FAM135B: variants seen among roughly 807,000 people sequenced by gnomAD.
FAM135B encodes family with sequence similarity 135 member B.
Under a neutral mutation model 127.7 loss-of-function variants are expected in FAM135B, and 43 were observed. That is an observed-to-expected ratio of 0.34 (90% confidence interval 0.26 to 0.43). The LOEUF (loss-of-function observed/expected upper bound fraction) is 0.43. Ranked by LOEUF, FAM135B falls within the 20% of genes least tolerant of loss-of-function variation. The pLI is 1.00. For missense variants in FAM135B, 1,558 were observed against 1,725.6 expected, an observed-to-expected ratio of 0.90 and a Z score of 1.72; for synonymous variants, 670 against 665.1, an observed-to-expected ratio of 1.01 and a Z score of -0.11.
intron 6 of FAM135B, among the ~76,000 whole-genome samples, chr8:138,250,090 C>T (rs899364716): frequency 5.9e-5 from 9 of 152,036 alleles, no homozygotes; most frequent in Non-Finnish European, 1.2e-4. Flanking sequence ...TGGTGGCTCA[C>T]GCCTGTAATC....
At chr8:138,294,494 C>T (rs1047349411) in intron 3 of FAM135B, among the ~76,000 whole-genome samples, 1 of 151,746 alleles carries the variant, frequency 6.6e-6, no homozygotes, top group African/African-American at 2.4e-5. Flanking sequence ...CAAAACAAAC[C>T]AAAAAGCTGT....
In FAM135B at chr8:138,340,103, G is replaced by T. The variant is rs16908857; in HGVS notation, c.77+27804C>A. Among the ~76,000 whole-genome samples the T allele has an allele frequency of 8.7e-3, 1,331 of 152,288 alleles. 24 individuals carry two copies. The highest frequency in any genetic ancestry group is 0.031 in the African/African-American group (1,277 of 41,544). ...CCTTCCCGAAGCACACGACTCAGCT[G>T]TCTATGGAGAGCAGGTCACAGAAAA... On this transcript the variant is annotated intron_variant, in intron 2 of 19. Transcript: ENST00000395297.
At position 138,199,527 on chromosome 8, in the gene FAM135B, A is replaced by G. The variant is rs145504220; in HGVS notation, c.670-1858T>C. On this transcript the variant is annotated intron_variant, in intron 7 of 19. Transcript: ENST00000395297. ...GTTACCCGGCCTTGGGGCAAGGACC[A>G]GGTCTCTGTACCCATTCACTGGTCA... 8.0e-3 allele frequency among the ~76,000 whole-genome samples: 1,214 copies of G among 152,326 alleles called. 15 individuals are homozygous for G. Among genetic ancestry groups the G allele is most frequent in the African/African-American group, 0.028 (1,148 of 41,580 alleles).
At chr8:138,182,934 G>T (rs538562422) in intron 9 of FAM135B, among the ~76,000 whole-genome samples, 6 of 152,282 alleles carry the variant, frequency 3.9e-5, no homozygotes, top group African/African-American at 1.4e-4. Flanking sequence ...GGCAGCCAGG[G>T]TTGCAAACCC....
intron 10 of FAM135B, 106 bp downstream of exon 10, chr8:138,178,429 C>A: frequency 1.5e-6 from 2 of 1,352,930 alleles, no homozygotes; most frequent in Non-Finnish European, 2.1e-6. Context: ...CACGAAAGCA[C>A]GAAGATCTAG....
intron 16 of FAM135B, 155 bp downstream of exon 16, chr8:138,142,857 T>A: frequency 1.7e-6 from 1 of 577,116 alleles, no homozygotes; most frequent in South Asian, 2.1e-5. Context: ...CCAGACCTGG[T>A]ACTTACTTCT....
At chr8:138,434,386 C>T (rs1835354131) in intron 1 of FAM135B, among the ~76,000 whole-genome samples, 1 of 152,144 alleles carries the variant, frequency 6.6e-6, no homozygotes, top group Non-Finnish European at 1.5e-5. Flanking sequence ...TTGCTCTGTC[C>T]ATGACTGCTC....
In FAM135B at chr8:138,130,293, C is replaced by T. The variant is rs963859838; in HGVS notation, c.*2300G>A. 6.6e-6 allele frequency: 1 copy of T among 151,752 alleles called. No individual in the cohort carries two copies. Among genetic ancestry groups the T allele is most frequent in the Admixed American group, 6.6e-5 (1 of 15,210 alleles). 9.4% of individuals were successfully genotyped at this position (151,752 alleles called of 1,614,324 possible). A position where few individuals can be genotyped will look rare whatever the true frequency, so the allele number is the denominator to read the frequency against. ...AAGCCTTTTCAAATGAGGCATGACA[C>T]GCAACACTCGACACTCTTATTTACA... On this transcript the variant is annotated 3_prime_UTR_variant, in exon 20 of 20. Transcript: ENST00000395297.
In FAM135B at chr8:138,250,921, G is replaced by A. The variant is rs2130486019; in HGVS notation, c.462C>T (p.Val154=). The change falls in exon 6 of 20, where the codon GTC becomes GTT. Residue 154 remains valine, a synonymous_variant. Transcript: ENST00000395297. Reference sequence around the variant, plus strand: ...CAGACAGGTGGAAATAGTCGAACATGACCGGGACCTGGTGGTGCAGACCAT... The same window carrying A: ...CAGACAGGTGGAAATAGTCGAACATAACCGGGACCTGGTGGTGCAGACCAT... ...PRNGLHHQVP[V]MFDYFHLSVI... The A allele has an allele frequency of 6.2e-7, 1 of 1,613,924 alleles. No homozygotes were observed. The highest frequency in any genetic ancestry group is 8.5e-7 in the Non-Finnish European group (1 of 1,179,994).
intron 7 of FAM135B, among the ~76,000 whole-genome samples, chr8:138,201,117 G>A (rs1817084483): frequency 6.6e-6 from 1 of 152,172 alleles, no homozygotes; most frequent in Non-Finnish European, 1.5e-5. Context: ...AAAGCAGAAA[G>A]GGGATTAACA....
At chr8:138,465,177 T>C (rs1020545983) in intron 1 of FAM135B, among the ~76,000 whole-genome samples, 3 of 152,022 alleles carry the variant, frequency 2.0e-5, no homozygotes, top group African/African-American at 4.8e-5. Context: ...AGTTCCAAAG[T>C]AGGGGGAAAG....
intron 2 of FAM135B, among the ~76,000 whole-genome samples, chr8:138,324,615 A>G (rs1360670158): frequency 2.0e-5 from 3 of 152,204 alleles, no homozygotes; most frequent in Non-Finnish European, 4.4e-5. Flanking sequence ...CACTATGCTC[A>G]CCGCTCCTAG....
At chr8:138,449,510 G>C (rs1368204239) in intron 1 of FAM135B, among the ~76,000 whole-genome samples, 2 of 151,270 alleles carry the variant, frequency 1.3e-5, no homozygotes, top group African/African-American at 4.8e-5. Context: ...CAATACGAAG[G>C]GGTGGTCATC....
At chr8:138,419,649 C>T (rs1185379038) in intron 1 of FAM135B, among the ~76,000 whole-genome samples, 2 of 152,068 alleles carry the variant, frequency 1.3e-5, no homozygotes, top group African/African-American at 4.8e-5. Context: ...AAAATCATAT[C>T]CATGTTCTCA....
chr8:138,399,545 C>T (rs534968383), intron 1 of FAM135B, among the ~76,000 whole-genome samples: 1 of 152,294 alleles, frequency 6.6e-6, no homozygotes, highest in Admixed American at 6.5e-5. Context: ...TTACCACCCC[C>T]ACTGTCAACA....
At chr8:138,170,087 T>C (rs963628872) in intron 11 of FAM135B, among the ~76,000 whole-genome samples, 14 of 152,182 alleles carry the variant, frequency 9.2e-5, no homozygotes, top group Non-Finnish European at 1.9e-4. Flanking sequence ...AAGGTTTTGC[T>C]AGGCAGGCCT....
chr8:138,134,079 G>A (rs1816427250), intron 19 of FAM135B, among the ~76,000 whole-genome samples: 1 of 152,166 alleles, frequency 6.6e-6, no homozygotes, highest in Admixed American at 6.5e-5. Context: ...AATATGATGT[G>A]AGGTTATGCC....
chr8:138,190,835 A>T (rs1020209305), intron 9 of FAM135B, among the ~76,000 whole-genome samples: 2 of 152,186 alleles, frequency 1.3e-5, no homozygotes, highest in Non-Finnish European at 2.9e-5. Flanking sequence ...ACCTATTGCC[A>T]ATCAGAAAAT....
At chr8:138,176,737 G>A (rs147317918) in intron 11 of FAM135B, among the ~76,000 whole-genome samples, 37 of 152,244 alleles carry the variant, frequency 2.4e-4, no homozygotes, top group African/African-American at 6.3e-4. Context: ...TGAGGTGAAC[G>A]TATCATTTGG....
Sources: allele counts gnomAD v4.1 joint callset (sites outside exome capture counted in the v4.1 genomes callset), GRCh38; gene constraint gnomAD v4.1.1; transcripts MANE v1.5; gene names NCBI Gene and HGNC (gene_info 2026-07-23, HGNC 2026-07-21).